DSTYK: variants seen among roughly 807,000 people sequenced by gnomAD.
DSTYK encodes RIP-homologous kinase.
A neutral mutation model predicts 98.7 loss-of-function variants in DSTYK; 34 were observed. The observed-to-expected ratio is 0.34, with a 90% CI of 0.26 to 0.46. DSTYK has a LOEUF of 0.46. Ranked by LOEUF, DSTYK falls within the 20% of genes least tolerant of loss-of-function variation. DSTYK has a pLI of 1.00. For synonymous variants in DSTYK, 462 were observed against 457.3 expected, an observed-to-expected ratio of 1.01 and a Z score of -0.13; for missense variants, 962 against 1,181.7, an observed-to-expected ratio of 0.81 and a Z score of 2.73.
intron 10 of DSTYK, among the ~76,000 whole-genome samples, chr1:205,156,761 G>A (rs1000280806): frequency 6.6e-6 from 1 of 152,156 alleles, no homozygotes; most frequent in Non-Finnish European, 1.5e-5. Context: ...TGAAATGTGA[G>A]GACATGAGAT....
chr1:205,198,200 A>AAAAG (rs559102121), intron 1 of DSTYK, among the ~76,000 whole-genome samples: 5 of 149,124 alleles, frequency 3.4e-5, no homozygotes, highest in African/African-American at 5.1e-5. Flanking sequence ...TCTCAAAAAA[A>AAAAG]AAAGAAAGAA....
intron 2 of DSTYK, among the ~76,000 whole-genome samples, chr1:205,174,986 C>T (rs1225550584): frequency 2.0e-5 from 3 of 151,974 alleles, no homozygotes; most frequent in Non-Finnish European, 4.4e-5. Flanking sequence ...ATCCACTCAC[C>T]TTGGTCTCCC....
chr1:205,143,125 A>C lies in DSTYK; in HGVS notation c.*4433T>G, dbSNP rs937570158. The C allele has an allele frequency of 6.6e-6, 1 of 152,002 alleles. No homozygotes were observed. Among genetic ancestry groups the C allele is most frequent in the Non-Finnish European group, 1.5e-5 (1 of 68,060 alleles). 9.4% of individuals were successfully genotyped at this position (152,002 alleles called of 1,614,324 possible). On this transcript the variant is annotated 3_prime_UTR_variant, in exon 13 of 13. Coordinates refer to ENST00000367162, the MANE Select transcript of DSTYK (RefSeq NM_015375.3). ...TCTATTCATCCCACCTCCATAACTG[A>C]AGGATTAACCTTCTTTTTCTTTTTC... is the stretch of plus-strand genomic sequence containing the variant.
chr1:205,195,632 A>C (rs986120787), intron 1 of DSTYK, among the ~76,000 whole-genome samples: 1 of 152,222 alleles, frequency 6.6e-6, no homozygotes, highest in Non-Finnish European at 1.5e-5. Context: ...AATGCACTCT[A>C]GTAGGCAAAG....
At chr1:205,152,469 G>A (rs752362270) in intron 10 of DSTYK, among the ~76,000 whole-genome samples, 6 of 152,144 alleles carry the variant, frequency 3.9e-5, no homozygotes, top group African/African-American at 7.2e-5. Context: ...AAGCCACTGC[G>A]CCTGGCCAGT....
At chr1:205,207,479 AGTGG>A (rs1433912241) in intron 1 of DSTYK, among the ~76,000 whole-genome samples, 1 of 150,870 alleles carries the variant, frequency 6.6e-6, no homozygotes, top group Non-Finnish European at 1.5e-5. Context: ...TGCCGGGCAC[AGTGG>A]CTCATGCCTG....
chr1:205,161,457 G>T, intron 6 of DSTYK, 70 bp from the exon 7 acceptor site: 1 of 1,466,378 alleles, frequency 6.8e-7, no homozygotes, highest in Non-Finnish European at 9.4e-7. Flanking sequence ...TGTTATACAG[G>T]GATAATAATA....
At chr1:205,163,323 G>C (rs567263054) in intron 4 of DSTYK, among the ~76,000 whole-genome samples, 3 of 151,994 alleles carry the variant, frequency 2.0e-5, no homozygotes, top group Admixed American at 2.0e-4. Context: ...AGGTTCAAGC[G>C]ATTCTCCTGC....
intron 2 of DSTYK, among the ~76,000 whole-genome samples, chr1:205,182,173 G>A (rs1335037296): frequency 2.0e-5 from 3 of 151,952 alleles, no homozygotes; most frequent in African/African-American, 7.3e-5. Flanking sequence ...GGCCGAGGCA[G>A]GCAGATTGCT....
intron 2 of DSTYK, among the ~76,000 whole-genome samples, chr1:205,173,749 C>T (rs767373310): frequency 1.3e-4 from 20 of 151,118 alleles, no homozygotes; most frequent in Non-Finnish European, 2.8e-4. Context: ...GATGAAGTCT[C>T]GCTCTGTCGC....
At chr1:205,161,133 C>T in intron 7 of DSTYK, 125 bp downstream of exon 7, 1 of 1,240,458 alleles carries the variant, frequency 8.1e-7, no homozygotes, top group South Asian at 1.5e-5. Flanking sequence ...TCAAAAACAT[C>T]AGTAAGGGTT....
At chr1:205,194,630 A>T (rs1263796446) in intron 1 of DSTYK, among the ~76,000 whole-genome samples, 4 of 146,682 alleles carry the variant, frequency 2.7e-5, no homozygotes, top group African/African-American at 1.0e-4. Flanking sequence ...CGACCCTCCC[A>T]CCTCAGCCTC....
At chr1:205,210,803 C>T (rs1171697820) in intron 1 of DSTYK, among the ~76,000 whole-genome samples, 9 of 152,238 alleles carry the variant, frequency 5.9e-5, no homozygotes. Context: ...CATCATCAAA[C>T]CCACACACCC....
chr1:205,193,779 G>A (rs1170427821), intron 1 of DSTYK, among the ~76,000 whole-genome samples: 1 of 151,718 alleles, frequency 6.6e-6, no homozygotes, highest in Non-Finnish European at 1.5e-5. Context: ...GCTAAGGCAG[G>A]AGAATCGCTT....
At chr1:205,176,227 C>T (rs1658223846) in intron 2 of DSTYK, among the ~76,000 whole-genome samples, 1 of 152,008 alleles carries the variant, frequency 6.6e-6, no homozygotes, top group Non-Finnish European at 1.5e-5. Context: ...CCTGTAATCC[C>T]AGCATTTAGG....
chr1:205,169,087 C>A lies in DSTYK; in HGVS notation c.1324+76G>T. ...AGATTCCTTTAACCTTAGGAATTAA[C>A]GTTCTTAATTTCCGGCTAGAAAATG... is the stretch of plus-strand genomic sequence containing the variant. On this transcript the variant is annotated intron_variant, in intron 3 of 12. Coordinates refer to ENST00000367162, the MANE Select transcript of DSTYK (RefSeq NM_015375.3). This position sits in a 1 kb window ranked among gnomAD's most constrained non-coding sequence, Gnocchi z 4.0. 1 of 1,253,256 alleles carries A rather than the reference C, an allele frequency of 8.0e-7. No homozygotes were observed. The highest frequency in any genetic ancestry group is 2.2e-5 in the Admixed American group (1 of 44,450). The allele number at this position is 1,253,256 out of a possible 1,614,324, so 77.6% of individuals were successfully genotyped here.
chr1:205,211,286 T>C lies in DSTYK; in HGVS notation c.250A>G (p.Thr84Ala), dbSNP rs1161562310. Residue 84 changes from threonine to alanine, a missense_variant, in exon 1 of 13, where the codon ACC (threonine) becomes GCC (alanine). Thr to Ala is a moderately conservative substitution (Grantham distance 58). Transcript: ENST00000367162. ...CCCTCCTTACCCGCCTGCAGCCCGGTTTCGGCGACATCGCCTGCAGGGCCG... is the reference window on the plus strand; with the variant it reads ...CCCTCCTTACCCGCCTGCAGCCCGGCTTCGGCGACATCGCCTGCAGGGCCG... ...ERGPAGDVAE[T>A]GLQAGQLSCI... is the part of the protein sequence containing the mutation. 1 of 1,606,952 alleles carries C rather than the reference T, an allele frequency of 6.2e-7. No individual in the cohort carries two copies. Among genetic ancestry groups the C allele is most frequent in the Non-Finnish European group, 8.5e-7 (1 of 1,177,414 alleles).
In DSTYK at chr1:205,202,090, AGGGGAAGGGAGAG is replaced by A. The variant is rs1269859234; in HGVS notation, c.265+9168_265+9180del. ...GGGAAGGGGAGAGGGGAAAGGGAGAAGGGGAAGGGAGAGGGGGAAGGGAGAAGGGGAAGGGAAG... is the reference window on the plus strand; with the variant it reads ...GGGAAGGGGAGAGGGGAAAGGGAGAAGGGGAAGGGAGAAGGGGAAGGGAAG... On this transcript the variant is annotated intron_variant, in intron 1 of 12. Coordinates refer to ENST00000367162, the MANE Select transcript of DSTYK (RefSeq NM_015375.3). The A allele has an allele frequency of 9.1e-5, 32 of 350,294 alleles. No individual in the cohort carries two copies. In the East Asian group the frequency reaches 1.3e-3, roughly 14 times the overall value. 21.7% of individuals were successfully genotyped at this position (350,294 alleles called of 1,614,324 possible). A position where few individuals can be genotyped will look rare whatever the true frequency, so the allele number is the denominator to read the frequency against.
In DSTYK at chr1:205,144,040, T is replaced by C. The variant is rs890384146; in HGVS notation, c.*3518A>G. Reference sequence around the variant, plus strand: ...TGCAGAGGATCAGGGAACTAAGGTATGCCTGGGGAAACCCCACCCAAATGA... The same window carrying C: ...TGCAGAGGATCAGGGAACTAAGGTACGCCTGGGGAAACCCCACCCAAATGA... On this transcript the variant is annotated 3_prime_UTR_variant, in exon 13 of 13. Transcript: ENST00000367162. 5.9e-5 allele frequency: 9 copies of C among 152,670 alleles called. No individual in the cohort carries two copies. The highest frequency in any genetic ancestry group is 1.9e-4 in the African/African-American group (8 of 41,446). 9.5% of individuals were successfully genotyped at this position (152,670 alleles called of 1,614,324 possible).
Sources: gnomAD v4.1 joint callset for allele counts (sites outside exome capture counted in the v4.1 genomes callset) on GRCh38, gnomAD v4.1.1 for gene constraint, Gnocchi (gnomAD v3.1) non-coding constraint, MANE v1.5 for transcripts, NCBI Gene and HGNC (gene_info 2026-07-23, HGNC 2026-07-21) for gene names.